WDFY3: variants seen among roughly 807,000 people sequenced by gnomAD.
WDFY3 encodes the protein WD repeat and FYVE domain containing 3, also known as WD repeat and FYVE domain-containing protein 3.
Under a neutral mutation model 409.6 loss-of-function variants are expected in WDFY3, and 66 were observed. The observed-to-expected ratio is 0.16, with a 90% confidence interval of 0.13 to 0.20. WDFY3 has a LOEUF of 0.20. Ranked by LOEUF, WDFY3 falls within the 10% of genes least tolerant of loss-of-function variation. The pLI is 1.00. For missense variants in WDFY3, 3,031 were observed against 4,298.1 expected, an observed-to-expected ratio of 0.71 and a Z score of 8.24; for synonymous variants, 1,521 against 1,537.1, an observed-to-expected ratio of 0.99 and a Z score of 0.25.
At chr4:84,691,278 T>C (rs193256001) in intron 60 of WDFY3, among the ~76,000 whole-genome samples, 16 of 152,126 alleles carry the variant, frequency 1.1e-4, no homozygotes, top group Non-Finnish European at 2.1e-4. Context: ...GTGGGGCAGA[T>C]GGTGACTCAT....
rs188743156 is a variant in WDFY3 at position 84,670,817 on chromosome 4, A to G, written c.*2051T>C. ...AGGCCCACAGTTACATAATAGCACAATTTCTGCAACTGTTGAACATCAGCA... is the reference window on the plus strand; with the variant it reads ...AGGCCCACAGTTACATAATAGCACAGTTTCTGCAACTGTTGAACATCAGCA... On this transcript the variant is annotated 3_prime_UTR_variant, in exon 68 of 68. Transcript: ENST00000295888. 3.3e-5 allele frequency: 5 copies of G among 152,630 alleles called. No homozygotes were observed. Among genetic ancestry groups the G allele is most frequent in the South Asian group, 2.1e-4 (1 of 4,824 alleles). The allele number at this position is 152,630 out of a possible 1,614,324, so 9.5% of individuals were successfully genotyped here. A position where few individuals can be genotyped will look rare whatever the true frequency, so the allele number is the denominator to read the frequency against.
chr4:84,822,514 A>G (rs1365275901), intron 10 of WDFY3, among the ~76,000 whole-genome samples: 1 of 151,970 alleles, frequency 6.6e-6, no homozygotes, highest in Non-Finnish European at 1.5e-5. Context: ...ACATAGCAAG[A>G]CCACCTCCAT....
chr4:84,736,137 C>T (rs1737399741), intron 42 of WDFY3, 33 bp downstream of exon 42: 6 of 1,588,978 alleles, frequency 3.8e-6, no homozygotes, highest in African/African-American at 2.7e-5. Context: ...CAAAATACTA[C>T]AACTAATATC....
At chr4:84,766,435 T>G in intron 30 of WDFY3, 63 bp from the exon 31 acceptor site, 1 of 1,460,944 alleles carries the variant, frequency 6.8e-7, no homozygotes, top group Non-Finnish European at 9.2e-7. Context: ...ATTTACAACA[T>G]AGTTCTTGGA....
Position 84,756,977 on chromosome 4 carries a change from G to C in WDFY3, c.5373C>G (p.Asn1791Lys). 1 of 1,614,072 alleles carries C rather than the reference G, an allele frequency of 6.2e-7. No individual in the cohort carries two copies. The highest frequency in any genetic ancestry group is 8.5e-7 in the Non-Finnish European group (1 of 1,179,982). Residue 1791 changes from asparagine to lysine, a missense_variant, in exon 33 of 68, where the codon AAC becomes AAG. By Grantham distance (94) the Asn-to-Lys change is moderately conservative. This residue lies in a region of WDFY3 where 342 missense variants were observed against 463.7 expected (regional missense o/e 0.74). Coordinates refer to ENST00000295888, the MANE Select transcript of WDFY3 (RefSeq NM_014991.6). Reference protein sequence around the residue: ...LQQPVSELPENLQVSVPVISC... With the variant: ...LQQPVSELPEKLQVSVPVISC... Reference sequence around the variant, plus strand: ...TGATGACAGGCACACTGACCTGCAGGTTCTCAGGCAGCTCACTAACTGGCT... The same window carrying C: ...TGATGACAGGCACACTGACCTGCAGCTTCTCAGGCAGCTCACTAACTGGCT...
intron 27 of WDFY3, among the ~76,000 whole-genome samples, chr4:84,777,049 T>C (rs1187080451): frequency 6.6e-6 from 1 of 152,070 alleles, no homozygotes; most frequent in African/African-American, 2.4e-5. Context: ...AATATCAGAC[T>C]GTTTATACAC....
chr4:84,883,321 T>C (rs192803740), intron 3 of WDFY3, among the ~76,000 whole-genome samples: 3 of 152,310 alleles, frequency 2.0e-5, no homozygotes, highest in Admixed American at 2.0e-4. Context: ...TAGGTAAATC[T>C]ATCTGAAACA....
At chr4:84,850,928 G>GTTTTTTTATTTTTTTTTTTTTTT (rs1758867368) in intron 4 of WDFY3, among the ~76,000 whole-genome samples, 1 of 46,220 alleles carries the variant, frequency 2.2e-5, no homozygotes, top group Non-Finnish European at 3.9e-5. Flanking sequence ...TTATTTATCT[G>GTTTTTTTATTTTTTTTTTTTTTT]TTTTTTTTTT....
At position 84,794,500 on chromosome 4, in the gene WDFY3, A is replaced by G. The variant is rs1203430568; in HGVS notation, c.3487+19T>C. 7 of 1,599,390 alleles carry G rather than the reference A, an allele frequency of 4.4e-6. No homozygotes were observed. Among genetic ancestry groups the G allele is most frequent in the Middle Eastern group, 1.7e-4 (1 of 5,976 alleles). On this transcript the variant is annotated intron_variant, in intron 21 of 67. Transcript: ENST00000295888. Reference sequence around the variant, plus strand: ...AATACTTCTATAATCAAAAGAAGAAAACAAAAAAAAATACTGACCATAATT... The same window carrying G: ...AATACTTCTATAATCAAAAGAAGAAGACAAAAAAAAATACTGACCATAATT...
chr4:84,958,909 T>A (rs1774567879), intron 1 of WDFY3, among the ~76,000 whole-genome samples: 1 of 152,166 alleles, frequency 6.6e-6, no homozygotes, highest in Admixed American at 6.5e-5. Context: ...GGCCTTCTGA[T>A]TCAGACCTCT....
intron 17 of WDFY3, among the ~76,000 whole-genome samples, chr4:84,799,631 C>T (rs1750141815): frequency 6.6e-6 from 1 of 151,694 alleles, no homozygotes; most frequent in African/African-American, 2.4e-5. Context: ...CTTTACTAGA[C>T]GATACATTTT....
Position 84,891,793 on chromosome 4 carries a change from G to T in WDFY3, c.-32+5118C>A, listed in dbSNP as rs952962869. On this transcript the variant is annotated intron_variant, in intron 3 of 67. Transcript: ENST00000295888. ...TGGAAACTCTACTTTTTGTTTTTAG[G>T]GAAGCATAACTACATCTCCAAAGTC... is the stretch of plus-strand genomic sequence containing the variant. 3.9e-5 allele frequency among the ~76,000 whole-genome samples: 6 copies of T among 152,218 alleles called. No homozygotes were observed. The East Asian group carries it at 1.2e-3, about 29-fold the overall frequency.
intron 1 of WDFY3, among the ~76,000 whole-genome samples, chr4:84,939,982 A>G (rs377707663): frequency 6.6e-6 from 1 of 152,240 alleles, no homozygotes; most frequent in East Asian, 1.9e-4. Context: ...TGTACATGCA[A>G]TTACATGTAC....
rs552883682 is a variant in WDFY3 at position 84,858,754 on chromosome 4, G to C, written c.180+1658C>G. On this transcript the variant is annotated intron_variant, in intron 4 of 67. Coordinates refer to ENST00000295888, the MANE Select transcript of WDFY3 (RefSeq NM_014991.6). Reference sequence around the variant, plus strand: ...ATAGACAACAAGTGAGACTACAGGGGACAGAGCCAGTCAGAGATTGGGGCA... The same window carrying C: ...ATAGACAACAAGTGAGACTACAGGGCACAGAGCCAGTCAGAGATTGGGGCA... Among the ~76,000 whole-genome samples, 3 of 150,694 alleles carry C rather than the reference G, an allele frequency of 2.0e-5. No individual in the cohort carries two copies. The South Asian group carries it at 6.4e-4, about 32-fold the overall frequency.
intron 1 of WDFY3, among the ~76,000 whole-genome samples, chr4:84,959,008 GTAT>G (rs1296743455): frequency 1.3e-5 from 2 of 152,102 alleles, no homozygotes; most frequent in East Asian, 3.9e-4. Context: ...AATGTACTAT[GTAT>G]TATAATAATT....
intron 3 of WDFY3, among the ~76,000 whole-genome samples, chr4:84,862,879 C>A (rs1257523589): frequency 6.6e-6 from 1 of 152,126 alleles, no homozygotes; most frequent in Non-Finnish European, 1.5e-5. Context: ...TCTCTCCAGC[C>A]CCTGGCACCC....
At chr4:84,833,661 A>AAAAGAAAAG (rs2149954275) in intron 7 of WDFY3, among the ~76,000 whole-genome samples, 1 of 149,956 alleles carries the variant, frequency 6.7e-6, no homozygotes, top group Admixed American at 6.7e-5. Flanking sequence ...CTCAAAAGAG[A>AAAAGAAAAG]AAAAGAAAAG....
At chr4:84,827,598 C>A (rs1578704211) in intron 9 of WDFY3, among the ~76,000 whole-genome samples, 1 of 152,094 alleles carries the variant, frequency 6.6e-6, no homozygotes, top group East Asian at 1.9e-4. Flanking sequence ...GATCAATAAA[C>A]ATAAATGAAA....
intron 53 of WDFY3, 115 bp from the exon 54 acceptor site, chr4:84,705,626 G>A: frequency 1.2e-6 from 1 of 809,374 alleles, no homozygotes; most frequent in South Asian, 1.6e-5. Context: ...AGTATCTGTG[G>A]GGTCAAACTG....
Sources: gnomAD v4.1 joint callset for allele counts (sites outside exome capture counted in the v4.1 genomes callset) on GRCh38, gnomAD v4.1.1 for gene constraint, gnomAD v4.1.1 regional missense constraint, MANE v1.5 for transcripts, NCBI Gene and HGNC (gene_info 2026-07-23, HGNC 2026-07-21) for gene names.